The following ARHGAP24 variants were observed in gnomAD, a reference collection of about 807,000 sequenced individuals.
ARHGAP24 encodes the protein rho GTPase-activating protein 24.
A neutral mutation model predicts 76.4 loss-of-function variants in ARHGAP24; 50 were observed. The ratio of observed to expected loss-of-function variants is 0.65; its 90% CI spans 0.52 to 0.83. ARHGAP24 has a LOEUF of 0.83. Among genes scored for constraint, ARHGAP24 ranks in the 40% least tolerant of loss-of-function variants. ARHGAP24 has a pLI of 0.00. For synonymous variants in ARHGAP24, 345 were observed against 323.3 expected (o/e 1.07, Z -0.72); for missense variants, 930 against 914.2 (o/e 1.02, Z -0.22).
chr4:85,483,472 C>T (rs1205749548), intron 1 of ARHGAP24, among the ~76,000 whole-genome samples: 4 of 151,964 alleles, frequency 2.6e-5, no homozygotes, highest in Admixed American at 6.6e-5. Flanking sequence ...ATTATCTGGG[C>T]GTGGTGGTGC....
At chr4:85,756,870 GTGGAAGCCCT>G (rs1331385270) in intron 3 of ARHGAP24, among the ~76,000 whole-genome samples, 2 of 152,206 alleles carry the variant, frequency 1.3e-5, no homozygotes, top group Non-Finnish European at 2.9e-5. Flanking sequence ...GACTAGGATA[GTGGAAGCCCT>G]TGGCTGGACT....
intron 3 of ARHGAP24, among the ~76,000 whole-genome samples, chr4:85,891,464 T>A (rs1380681947): frequency 1.0e-5 from 1 of 96,736 alleles, no homozygotes; most frequent in Non-Finnish European, 2.1e-5. Context: ...GCTTCCAGTT[T>A]TTGCCCATTC....
intron 1 of ARHGAP24, among the ~76,000 whole-genome samples, chr4:85,495,905 C>T (rs1723563274): frequency 3.3e-5 from 5 of 152,102 alleles, no homozygotes; most frequent in Admixed American, 3.3e-4. Flanking sequence ...AATTTTAATC[C>T]TTTTATAGTA....
chr4:85,638,500 A>T (rs1224901899), intron 2 of ARHGAP24, among the ~76,000 whole-genome samples: 2 of 152,170 alleles, frequency 1.3e-5, no homozygotes. Context: ...ACTGATAGAA[A>T]CTTATTTTAA....
chr4:85,568,045 T>C (rs994959197), intron 1 of ARHGAP24, among the ~76,000 whole-genome samples: 2 of 152,208 alleles, frequency 1.3e-5, no homozygotes, highest in Non-Finnish European at 2.9e-5. Flanking sequence ...GTCAGACTTA[T>C]AAACAACATA....
chr4:85,735,537 A>G (rs958274239), intron 3 of ARHGAP24, among the ~76,000 whole-genome samples: 14 of 152,132 alleles, frequency 9.2e-5, no homozygotes, highest in Non-Finnish European at 1.5e-4. Context: ...CTGGGTACAC[A>G]TTCTTCATTT....
chr4:85,495,297 A>G (rs1039167214), intron 1 of ARHGAP24, among the ~76,000 whole-genome samples: 1 of 151,664 alleles, frequency 6.6e-6, no homozygotes, highest in African/African-American at 2.4e-5. Context: ...TAGAAGCTGA[A>G]AAGGGGAGAA....
intron 1 of ARHGAP24, among the ~76,000 whole-genome samples, chr4:85,547,268 T>C (rs963790344): frequency 6.6e-6 from 1 of 152,186 alleles, no homozygotes; most frequent in East Asian, 1.9e-4. Context: ...CTTGAGAGTT[T>C]TGAAAACACG....
At chr4:85,919,907 T>G (rs1447446331) in intron 3 of ARHGAP24, among the ~76,000 whole-genome samples, 1 of 152,212 alleles carries the variant, frequency 6.6e-6, no homozygotes, top group Non-Finnish European at 1.5e-5. Context: ...AAATTGATTT[T>G]TAGAACTGCG....
At chr4:85,849,593 A>G (rs1185982846) in intron 3 of ARHGAP24, among the ~76,000 whole-genome samples, 3 of 152,186 alleles carry the variant, frequency 2.0e-5, no homozygotes, top group African/African-American at 4.8e-5. Context: ...TTTGTCATAA[A>G]TAGCTCTCAT....
chr4:85,952,560 C>T (rs1008087107), intron 5 of ARHGAP24, among the ~76,000 whole-genome samples: 5 of 152,182 alleles, frequency 3.3e-5, no homozygotes, highest in Non-Finnish European at 2.9e-5. Flanking sequence ...GAAATTCATA[C>T]GCTATTGGAA....
intron 3 of ARHGAP24, among the ~76,000 whole-genome samples, chr4:85,887,434 C>T (rs2148774831): frequency 6.6e-6 from 1 of 152,120 alleles, no homozygotes; most frequent in South Asian, 2.1e-4. Context: ...AAATGAAAAT[C>T]TATCCTTAAA....
At chr4:85,759,567 C>T (rs1366885174) in intron 3 of ARHGAP24, among the ~76,000 whole-genome samples, 1 of 152,096 alleles carries the variant, frequency 6.6e-6, no homozygotes, top group African/African-American at 2.4e-5. Context: ...ATCACTTTGG[C>T]AGGTATCCAC....
chr4:85,838,067 C>A (rs975384499), intron 3 of ARHGAP24, among the ~76,000 whole-genome samples: 4 of 152,144 alleles, frequency 2.6e-5, no homozygotes, highest in Non-Finnish European at 5.9e-5. Context: ...TGTGTTATTA[C>A]TAGGTGCCAG....
At chr4:85,855,080 T>TA in intron 3 of ARHGAP24, among the ~76,000 whole-genome samples, 1 of 152,326 alleles carries the variant, frequency 6.6e-6, no homozygotes, top group African/African-American at 2.4e-5. Flanking sequence ...GCAGTTAATA[T>TA]GTAGTATCAG....
chr4:85,821,168 T>C (rs1729452822), intron 3 of ARHGAP24, among the ~76,000 whole-genome samples: 2 of 152,156 alleles, frequency 1.3e-5, no homozygotes. Flanking sequence ...TTTATATTCA[T>C]ATGCAGGTAA....
At chr4:85,815,403 T>A (rs1328684563) in intron 3 of ARHGAP24, among the ~76,000 whole-genome samples, 3 of 152,220 alleles carry the variant, frequency 2.0e-5, no homozygotes, top group African/African-American at 7.2e-5. Flanking sequence ...AACACCCAAG[T>A]CACCTCTTGA....
At chr4:85,888,311 A>T (rs1733686313) in intron 3 of ARHGAP24, among the ~76,000 whole-genome samples, 2 of 151,676 alleles carry the variant, frequency 1.3e-5, no homozygotes. Context: ...GATACAGGAA[A>T]ATCGCTTGAA....
At chr4:85,571,925 G>A (rs1727155077) in intron 2 of ARHGAP24, among the ~76,000 whole-genome samples, 1 of 152,176 alleles carries the variant, frequency 6.6e-6, no homozygotes, top group African/African-American at 2.4e-5. Flanking sequence ...AGTTCGTATA[G>A]CTTTAGCCCA....
Sources: allele counts gnomAD v4.1 joint callset (sites outside exome capture counted in the v4.1 genomes callset), GRCh38; gene constraint gnomAD v4.1.1; transcripts MANE v1.5; gene names NCBI Gene and HGNC (gene_info 2026-07-23, HGNC 2026-07-21).